Variants in C1QC observed in about 807,000 individuals in gnomAD.
The protein encoded by C1QC is complement C1q C chain, also known as complement C1q subcomponent subunit C.
In C1QC, 4 loss-of-function variants were observed where a neutral mutation model predicts 5.9. The observed-to-expected ratio is 0.68, with a 90% CI of 0.33 to 1.55. The LOEUF is 1.55. C1QC is among the 40% of genes most tolerant of loss of function. The pLI, the probability that C1QC is intolerant of heterozygous loss-of-function variation, is 0.06. For synonymous variants in C1QC, 166 were observed against 153.8 expected (o/e 1.08, Z -0.59); for missense variants, 299 against 326.9 (o/e 0.91, Z 0.66).
rs373488869 is a variant in C1QC at position 22,647,275 on chromosome 1, A to G, written c.230A>G (p.Glu77Gly). 14 of 1,611,934 alleles carry G rather than the reference A, an allele frequency of 8.7e-6. No individual in the cohort carries two copies. The highest frequency in any genetic ancestry group is 9.3e-6 in the Non-Finnish European group (11 of 1,179,988). ...GIRGPKGQKG[E>G]PGLPGHPGKN... is the part of the protein sequence containing the mutation. ...CGAGGACCCAAAGGGCAGAAGGGAG[A>G]ACCCGGCTTACCCGGCCATCCTGGG... The change falls in exon 3 of 3, where the codon GAA (glutamate) becomes GGA (glycine). Residue 77 changes from glutamate (E) to glycine (G), a missense_variant. Physicochemically the swap from Glu to Gly is moderately conservative, Grantham distance 98. This residue lies in a region of C1QC where 146 missense variants were observed against 144.1 expected (regional missense o/e 1.01). Coordinates refer to ENST00000374640, the MANE Select transcript of C1QC (RefSeq NM_172369.5).
In C1QC at chr1:22,647,506, G is replaced by T. The variant is rs1642390356; in HGVS notation, c.461G>T (p.Ser154Ile). The change falls in exon 3 of 3, where the codon AGC becomes ATC. Residue 154 changes from serine to isoleucine, a missense_variant. Ser to Ile is a moderately radical substitution (Grantham distance 142). Transcript: ENST00000374640. ...LTNPQGDYDTSTGKFTCKVPG... is the reference protein window; with the variant it reads ...LTNPQGDYDTITGKFTCKVPG... ...AACCCGCAGGGAGATTATGACACGA[G>T]CACTGGCAAGTTCACCTGCAAAGTC... 1 of 1,614,112 alleles carries T rather than the reference G, an allele frequency of 6.2e-7. No individual in the cohort carries two copies. Among genetic ancestry groups the T allele is most frequent in the African/African-American group, 1.3e-5 (1 of 74,944 alleles).
In C1QC at chr1:22,648,046, T is replaced by C; in HGVS notation, c.*263T>C. On this transcript the variant is annotated 3_prime_UTR_variant, in exon 3 of 3. Transcript: ENST00000374640. ...GCCTTCTGGTACTGCCATTCTTTTT[T>C]TTTTTTTTTTCAAGTATTGGAAGGG... 1 of 532,678 alleles carries C rather than the reference T, an allele frequency of 1.9e-6. No individual in the cohort carries two copies. Among genetic ancestry groups the C allele is most frequent in the Non-Finnish European group, 3.3e-6 (1 of 300,920 alleles). The allele number at this position is 532,678 out of a possible 1,614,324, so 33.0% of individuals were successfully genotyped here.
chr1:22,647,141 G>A, intron 2 of C1QC, 86 bp from the exon 3 acceptor site: 5 of 1,482,474 alleles, frequency 3.4e-6, no homozygotes, highest in Non-Finnish European at 4.6e-6. Flanking sequence ...CCAAATGCCA[G>A]CGCTGTGTTC....
In C1QC at chr1:22,647,982, G is replaced by C; in HGVS notation, c.*199G>C. On this transcript the variant is annotated 3_prime_UTR_variant, in exon 3 of 3. Coordinates refer to ENST00000374640, the MANE Select transcript of C1QC (RefSeq NM_172369.5). ...CTCTCCTTCCTCTGAACTTCTTTAG[G>C]AGTCACTGCTTGTGTGGTTCCTGGG... The C allele has an allele frequency of 1.5e-6, 1 of 651,736 alleles. No homozygotes were observed. The highest frequency in any genetic ancestry group is 2.6e-6 in the Non-Finnish European group (1 of 387,870). 40.4% of individuals were successfully genotyped at this position (651,736 alleles called of 1,614,324 possible).
chr1:22,648,074 G>A lies in C1QC; in HGVS notation c.*291G>A. 1 of 485,632 alleles carries A rather than the reference G, an allele frequency of 2.1e-6. No homozygotes were observed. Among genetic ancestry groups the A allele is most frequent in the Non-Finnish European group, 3.7e-6 (1 of 271,252 alleles). 30.1% of individuals were successfully genotyped at this position (485,632 alleles called of 1,614,324 possible). On this transcript the variant is annotated 3_prime_UTR_variant, in exon 3 of 3. Coordinates refer to ENST00000374640, the MANE Select transcript of C1QC (RefSeq NM_172369.5). ...TTTTTTTTCAAGTATTGGAAGGGGT[G>A]GGGAGATATATAAATAAATCATGAA...
At chr1:22,644,937 G>A (rs1054739785) in intron 2 of C1QC, among the ~76,000 whole-genome samples, 2 of 152,152 alleles carry the variant, frequency 1.3e-5, no homozygotes, top group Non-Finnish European at 2.9e-5. Flanking sequence ...AAGAGAAGGG[G>A]GCTGAGGCTA....
At position 22,647,456 on chromosome 1, in the gene C1QC, G is replaced by A; in HGVS notation, c.411G>A (p.Leu137=). The change falls in exon 3 of 3, where the codon CTG becomes CTA. Residue 137 remains leucine, a synonymous_variant. Transcript: ENST00000374640. ...ACCAGCCCCCTGCACCCAACAGCCTGATCAGATTCAACGCGGTCCTCACCA... is the reference window on the plus strand; with the variant it reads ...ACCAGCCCCCTGCACCCAACAGCCTAATCAGATTCAACGCGGTCCTCACCA... ...QTHQPPAPNS[L]IRFNAVLTNP... The A allele has an allele frequency of 6.2e-7, 1 of 1,614,170 alleles. No homozygotes were observed. The highest frequency in any genetic ancestry group is 1.7e-5 in the Admixed American group (1 of 60,030).
intron 2 of C1QC, among the ~76,000 whole-genome samples, chr1:22,646,447 CAT>C (rs1642370595): frequency 6.6e-6 from 1 of 152,294 alleles, no homozygotes; most frequent in Non-Finnish European, 1.5e-5. Context: ...AAAATTTACA[CAT>C]GTAGCAAAAT....
chr1:22,646,326 C>T (rs949083470), intron 2 of C1QC, among the ~76,000 whole-genome samples: 1 of 152,224 alleles, frequency 6.6e-6, no homozygotes, highest in Non-Finnish European at 1.5e-5. Flanking sequence ...ATCTCAGGAG[C>T]AGATATAGGT....
At chr1:22,645,518 C>G (rs916558932) in intron 2 of C1QC, among the ~76,000 whole-genome samples, 3 of 152,214 alleles carry the variant, frequency 2.0e-5, no homozygotes, top group African/African-American at 7.2e-5. Context: ...TCCACCACTG[C>G]CCTCAGCTGC....
chr1:22,646,872 G>A (rs1642376476), intron 2 of C1QC, among the ~76,000 whole-genome samples: 1 of 152,204 alleles, frequency 6.6e-6, no homozygotes, highest in African/African-American at 2.4e-5. Context: ...CAAGATACTT[G>A]TGGCCACATG....
At position 22,645,821 on chromosome 1, in the gene C1QC, AC is replaced by A. The variant is rs565056475; in HGVS notation, c.182-1402del. Among the ~76,000 whole-genome samples the A allele has an allele frequency of 1.1e-3, 164 of 152,060 alleles. No homozygotes were observed. The East Asian group carries it at 0.021, about 20-fold the overall frequency. The stretch of plus-strand genomic sequence containing the variant: ...TGAAGGCCAGGTCTGCTGGGTCCCG[AC>A]CCCACACTCCTAATGCTGAGGCCTA... On this transcript the variant is annotated intron_variant, in intron 2 of 2. Coordinates refer to ENST00000374640, the MANE Select transcript of C1QC (RefSeq NM_172369.5).
chr1:22,645,293 A>T (rs1456716262), intron 2 of C1QC, among the ~76,000 whole-genome samples: 1 of 151,522 alleles, frequency 6.6e-6, no homozygotes, highest in East Asian at 1.9e-4. Context: ...GCCTCTGACC[A>T]CCTCCCTGCC....
intron 2 of C1QC, among the ~76,000 whole-genome samples, chr1:22,644,761 A>C (rs954353964): frequency 6.6e-5 from 10 of 152,324 alleles, no homozygotes; most frequent in Non-Finnish European, 2.9e-5. Flanking sequence ...AGCCCTGAGC[A>C]CCTGGGAGGT....
chr1:22,647,184 G>A (rs773869487), intron 2 of C1QC, 43 bp from the exon 3 acceptor site: 3 of 1,596,480 alleles, frequency 1.9e-6, no homozygotes, highest in Non-Finnish European at 2.5e-6. Flanking sequence ...CCTCCTCCCT[G>A]TCCCCCACCC....
At chr1:22,644,294 G>A in intron 2 of C1QC, 90 bp downstream of exon 2, 2 of 1,427,736 alleles carry the variant, frequency 1.4e-6, no homozygotes, top group Non-Finnish European at 9.3e-7. Flanking sequence ...GGGGACAGCA[G>A]GAAGTGCTTG....
intron 2 of C1QC, 72 bp downstream of exon 2, chr1:22,644,276 A>C: frequency 1.5e-4 from 203 of 1,399,184 alleles, no homozygotes; most frequent in Non-Finnish European, 1.8e-4. Context: ...GGGCTGACCA[A>C]GGGGGCGGGG....
intron 2 of C1QC, 145 bp downstream of exon 2, chr1:22,644,349 T>G (rs1442010826): frequency 4.8e-5 from 55 of 1,146,482 alleles, no homozygotes; most frequent in Non-Finnish European, 5.8e-5. Flanking sequence ...ACTCTCACGG[T>G]GTGTCTGGCT....
chr1:22,644,979 C>T (rs1642345003), intron 2 of C1QC, among the ~76,000 whole-genome samples: 1 of 151,998 alleles, frequency 6.6e-6, no homozygotes, highest in African/African-American at 2.4e-5. Flanking sequence ...AACTGGAGCC[C>T]TGGGGGGTAT....
Sources: gnomAD v4.1 joint callset for allele counts (sites outside exome capture counted in the v4.1 genomes callset) on GRCh38, gnomAD v4.1.1 for gene constraint, gnomAD v4.1.1 regional missense constraint, MANE v1.5 for transcripts, NCBI Gene and HGNC (gene_info 2026-07-23, HGNC 2026-07-21) for gene names.